The following PPARGC1B variants were observed in gnomAD, a reference collection of about 807,000 sequenced individuals.
The protein encoded by PPARGC1B is peroxisome proliferator-activated receptor gamma coactivator 1-beta.
Under a neutral mutation model 101.6 loss-of-function variants are expected in PPARGC1B, and 34 were observed. The observed-to-expected ratio is 0.33, with a 90% CI of 0.25 to 0.45. The LOEUF (loss-of-function observed/expected upper bound fraction) is 0.45. Ranked by LOEUF, PPARGC1B falls within the 20% of genes least tolerant of loss-of-function variation. The probability of loss-of-function intolerance (pLI) is 1.00; values close to 1 mark genes in which losing one functional copy is unlikely to be tolerated. For missense variants in PPARGC1B, 1,234 were observed against 1,317.6 expected (o/e 0.94, Z 0.98); for synonymous variants, 548 against 539.3 (o/e 1.02, Z -0.22).
At chr5:149,735,569 G>A (rs1039251195) in intron 1 of PPARGC1B, among the ~76,000 whole-genome samples, 4 of 152,190 alleles carry the variant, frequency 2.6e-5, no homozygotes, top group Non-Finnish European at 2.9e-5. Context: ...TGAGCCTTCT[G>A]TTTGCACTAC....
At chr5:149,769,835 G>C (rs1022520878) in intron 1 of PPARGC1B, among the ~76,000 whole-genome samples, 3 of 152,040 alleles carry the variant, frequency 2.0e-5, no homozygotes, top group Non-Finnish European at 4.4e-5. Context: ...TCCTTCTCTG[G>C]CCCTGACCCT....
intron 2 of PPARGC1B, among the ~76,000 whole-genome samples, chr5:149,823,541 C>T (rs1211710975): frequency 6.6e-6 from 1 of 152,088 alleles, no homozygotes; most frequent in Admixed American, 6.6e-5. Flanking sequence ...GGGGGTGGGG[C>T]TGAGTCTATT....
At position 149,834,679 on chromosome 5, in the gene PPARGC1B, C is replaced by G. The variant is rs1451922660; in HGVS notation, c.1711C>G (p.Pro571Ala). The G allele has an allele frequency of 4.1e-5, 66 of 1,613,274 alleles. No homozygotes were observed. The highest frequency in any genetic ancestry group is 5.4e-5 in the Non-Finnish European group (64 of 1,179,336). The part of the protein sequence containing the change: ...SCPQLPPRDS[P>A]RCLMLALSQS... ...TTTCTGTGTCTTCTTTTCAGACTCT[C>G]CCAGGTGCCTCATGCTGGCCTTGTC... Residue 571 changes from proline to alanine, a missense_variant, in exon 6 of 12, where the codon CCC becomes GCC. This residue lies in a region of PPARGC1B where 734 missense variants were observed against 768.4 expected (regional missense o/e 0.96). Coordinates refer to ENST00000309241, the MANE Select transcript of PPARGC1B (RefSeq NM_133263.4).
chr5:149,814,843 C>T (rs1468803732), intron 1 of PPARGC1B, among the ~76,000 whole-genome samples: 2 of 152,162 alleles, frequency 1.3e-5, no homozygotes, highest in African/African-American at 4.8e-5. Flanking sequence ...TTCAGATGAG[C>T]GATGTGGTGT....
intron 2 of PPARGC1B, among the ~76,000 whole-genome samples, chr5:149,821,837 G>A (rs541371229): frequency 5.9e-5 from 9 of 152,284 alleles, no homozygotes; most frequent in Admixed American, 2.6e-4. Flanking sequence ...CTGAGTGGTC[G>A]GGAAAGGCCT....
intron 1 of PPARGC1B, among the ~76,000 whole-genome samples, chr5:149,781,204 C>CA (rs35016517): frequency 0.36 from 43,954 of 121,370 alleles, 7,028 homozygotes; most frequent in East Asian, 0.48. Flanking sequence ...GACTTCATCT[C>CA]AAAAAAAAAA....
chr5:149,829,504 T>C (rs1320144022), intron 3 of PPARGC1B, among the ~76,000 whole-genome samples: 1 of 152,112 alleles, frequency 6.6e-6, no homozygotes, highest in African/African-American at 2.4e-5. Flanking sequence ...TGGGGTGGCA[T>C]GTTCCCCAGG....
intron 1 of PPARGC1B, among the ~76,000 whole-genome samples, chr5:149,773,307 A>G (rs1044296075): frequency 2.0e-5 from 3 of 152,226 alleles, no homozygotes; most frequent in African/African-American, 7.2e-5. Flanking sequence ...CTGAAGCTTG[A>G]TGGAAGCTGC....
At chr5:149,843,564 G>A (rs572067763) in intron 10 of PPARGC1B, among the ~76,000 whole-genome samples, 4 of 152,286 alleles carry the variant, frequency 2.6e-5, no homozygotes, top group Admixed American at 1.3e-4. Context: ...TGATGCAGCC[G>A]ATGTGGAAAA....
intron 1 of PPARGC1B, among the ~76,000 whole-genome samples, chr5:149,773,226 G>C (rs576433928): frequency 6.6e-5 from 10 of 152,232 alleles, no homozygotes; most frequent in Non-Finnish European, 1.3e-4. Flanking sequence ...GTCGTGTCTT[G>C]TGCAGCCAGA....
intron 1 of PPARGC1B, among the ~76,000 whole-genome samples, chr5:149,789,139 G>A (rs966251529): frequency 6.6e-6 from 1 of 152,170 alleles, no homozygotes; most frequent in Non-Finnish European, 1.5e-5. Context: ...GCAGGAAAGA[G>A]GCCTGTGATC....
At chr5:149,804,099 G>T (rs541312291) in intron 1 of PPARGC1B, among the ~76,000 whole-genome samples, 1 of 152,236 alleles carries the variant, frequency 6.6e-6, no homozygotes, top group Non-Finnish European at 1.5e-5. Flanking sequence ...AAATGGATGC[G>T]GAAGGAAACC....
At chr5:149,736,476 C>T (rs1477677462) in intron 1 of PPARGC1B, among the ~76,000 whole-genome samples, 1 of 152,084 alleles carries the variant, frequency 6.6e-6, no homozygotes, top group East Asian at 1.9e-4. Flanking sequence ...TCTATCTGTC[C>T]TCCTACAAGG....
At chr5:149,762,753 T>C (rs2340621) in intron 1 of PPARGC1B, among the ~76,000 whole-genome samples, 111,007 of 152,040 alleles carry the variant, frequency 0.73, 40,732 homozygotes, top group African/African-American at 0.82. Context: ...ATCTCACTTT[T>C]ATCCTCTAGT....
chr5:149,793,806 C>T (rs778874115), intron 1 of PPARGC1B, among the ~76,000 whole-genome samples: 11 of 152,170 alleles, frequency 7.2e-5, no homozygotes, highest in Admixed American at 2.0e-4. Context: ...GAGGGAGAGA[C>T]GCTCAGACGG....
At chr5:149,731,317 C>T (rs2048120017) in intron 1 of PPARGC1B, among the ~76,000 whole-genome samples, 1 of 152,092 alleles carries the variant, frequency 6.6e-6, no homozygotes, top group South Asian at 2.1e-4. Flanking sequence ...CCAAAAATGT[C>T]AGCACGAGGC....
chr5:149,820,682 C>A, intron 2 of PPARGC1B, 76 bp downstream of exon 2: 1 of 1,385,890 alleles, frequency 7.2e-7, no homozygotes, highest in South Asian at 1.3e-5. Context: ...CTGCCCTGCT[C>A]TGCCTTCTCC....
In PPARGC1B at chr5:149,809,403, CATAG is replaced by C. The variant is rs201252118; in HGVS notation, c.79-11007_79-11004del. 5.7e-3 allele frequency among the ~76,000 whole-genome samples: 370 copies of C among 65,072 alleles called. 21 individuals carry two copies. Among genetic ancestry groups the C allele is most frequent in the Middle Eastern group, 0.02 (2 of 98 alleles). The allele number at this position is 65,072 out of a possible 152,430, so 42.7% of individuals were successfully genotyped here. On this transcript the variant is annotated intron_variant, in intron 1 of 11. Transcript: ENST00000309241. ...GATAGATAGATAGATCCATCTCTACCATAGATAGATAGATAGATAGATAGATCCA... is the reference window on the plus strand; with the variant it reads ...GATAGATAGATAGATCCATCTCTACCATAGATAGATAGATAGATAGATCCA...
At position 149,836,395 on chromosome 5, in the gene PPARGC1B, C is replaced by A. The variant is rs780713726; in HGVS notation, c.1940C>A (p.Thr647Asn). 6.2e-7 allele frequency: 1 copy of A among 1,613,988 alleles called. No individual in the cohort carries two copies. Among genetic ancestry groups the A allele is most frequent in the African/African-American group, 1.3e-5 (1 of 74,924 alleles). The change falls in exon 8 of 12, where the codon ACC becomes AAC. Residue 647 changes from threonine to asparagine, a missense_variant. Physicochemically the swap from Thr to Asn is moderately conservative, Grantham distance 65. This residue lies in a region of PPARGC1B where 497 missense variants were observed against 529.5 expected (regional missense o/e 0.94). Transcript: ENST00000309241. ...CCTGAGGGCCTCTCACTCAAGGCCA[C>A]CCCAGGGGCTGCCCACAAGCTGCCA... ...PSPEGLSLKA[T>N]PGAAHKLPKK...
Sources: gnomAD v4.1 joint callset for allele counts (sites outside exome capture counted in the v4.1 genomes callset) on GRCh38, gnomAD v4.1.1 for gene constraint, gnomAD v4.1.1 regional missense constraint, MANE v1.5 for transcripts, NCBI Gene and HGNC (gene_info 2026-07-23, HGNC 2026-07-21) for gene names.